SH2B3: variants seen among roughly 807,000 people sequenced by gnomAD.
SH2B3 encodes SH2B adapter protein 3.
A neutral mutation model predicts 51.9 loss-of-function variants in SH2B3; 43 were observed. That is an observed-to-expected ratio of 0.83 (90% CI 0.65 to 1.07). The LOEUF is 1.07. Ranked by LOEUF, SH2B3 falls within the 50% of genes least tolerant of loss-of-function variation. The pLI, the probability that SH2B3 is intolerant of heterozygous loss-of-function variation, is 0.00. For missense variants in SH2B3, 952 were observed against 834.3 expected (o/e 1.14, Z -1.74); for synonymous variants, 396 against 376.0 (o/e 1.05, Z -0.62).
rs1242525317 is a variant in SH2B3, at chr12:111,418,255, C to T, written c.110C>T (p.Ala37Val). ...TTCTGTGAGTTGCACGCCGTAGCGG[C>T]GGCCCGGGAGCTGGCCCGCCAGTAC... ...SEFCELHAVA[A>V]ARELARQYWL... is the part of the protein sequence containing the mutation. Residue 37 changes from alanine (A) to valine (V), a missense_variant, in exon 2 of 8, where the codon GCG (alanine) becomes GTG (valine). Coordinates refer to ENST00000341259, the MANE Select transcript of SH2B3 (RefSeq NM_005475.3). The surrounding 1 kb of genome is among the most constrained non-coding windows in gnomAD (Gnocchi z 6.7). The T allele has an allele frequency of 2.0e-6, 3 of 1,533,894 alleles. No homozygotes were observed. Among genetic ancestry groups the T allele is most frequent in the East Asian group, 2.5e-5 (1 of 40,560 alleles).
chr12:111,414,662 T>C (rs1870947193), intron 1 of SH2B3, among the ~76,000 whole-genome samples: 2 of 152,048 alleles, frequency 1.3e-5, no homozygotes, highest in Admixed American at 1.3e-4. Flanking sequence ...ACTTGTGCTT[T>C]TTGGGGTTTC....
intron 2 of SH2B3, among the ~76,000 whole-genome samples, chr12:111,430,470 C>T (rs1486267160): frequency 6.6e-6 from 1 of 152,148 alleles, no homozygotes; most frequent in South Asian, 2.1e-4. Context: ...GCTTACCAGG[C>T]CTGGCTGCTC....
In SH2B3 at chr12:111,407,630, G is replaced by T. The variant is rs961359202; in HGVS notation, c.-28+1353G>T. 2.0e-5 allele frequency among the ~76,000 whole-genome samples: 3 copies of T among 152,252 alleles called. No individual in the cohort carries two copies. The highest frequency in any genetic ancestry group is 6.5e-5 in the Admixed American group (1 of 15,290). On this transcript the variant is annotated intron_variant, in intron 1 of 7. Coordinates refer to ENST00000341259, the MANE Select transcript of SH2B3 (RefSeq NM_005475.3). The surrounding 1 kb of genome is among the most constrained non-coding windows in gnomAD (Gnocchi z 4.3). ...AGGGCCTACTGGGGGAAGTTGGAAG[G>T]GTTTTTAGTGCACTTTTCCTGAGCC...
intron 2 of SH2B3, among the ~76,000 whole-genome samples, chr12:111,442,683 T>C (rs1873540887): frequency 6.6e-6 from 1 of 152,192 alleles, no homozygotes; most frequent in South Asian, 2.1e-4. Flanking sequence ...TGTTAAGAGC[T>C]TCCCCACCTT....
rs1206077682 is a variant in SH2B3, at chr12:111,451,007, T to G, written c.*2705T>G. ...TCATGATCCCTCCAGTTAGCTCTAATTACAGACCCCACCAGTACAGCTTGA... is the reference window on the plus strand; with the variant it reads ...TCATGATCCCTCCAGTTAGCTCTAAGTACAGACCCCACCAGTACAGCTTGA... On this transcript the variant is annotated 3_prime_UTR_variant, in exon 8 of 8. Transcript: ENST00000341259. The G allele has an allele frequency of 6.6e-6, 1 of 152,666 alleles. No homozygotes were observed. The highest frequency in any genetic ancestry group is 1.9e-4 in the East Asian group (1 of 5,198). The allele number at this position is 152,666 out of a possible 1,614,324, so 9.5% of individuals were successfully genotyped here.
At chr12:111,434,998 C>T (rs1872743386) in intron 2 of SH2B3, 1 of 1,535,550 alleles carries the variant, frequency 6.5e-7, no homozygotes, top group Non-Finnish European at 8.7e-7. Flanking sequence ...CTTGCTCTCA[C>T]CTCTTCTTCT....
At chr12:111,411,466 C>T (rs114598006) in intron 1 of SH2B3, among the ~76,000 whole-genome samples, 1,723 of 152,258 alleles carry the variant, frequency 0.011, 43 homozygotes, top group African/African-American at 0.038. Context: ...TTCAGCCTCC[C>T]GAATTATACT....
chr12:111,442,333 G>T (rs971443466), intron 2 of SH2B3, among the ~76,000 whole-genome samples: 1 of 152,206 alleles, frequency 6.6e-6, no homozygotes, highest in African/African-American at 2.4e-5. Context: ...TCAAAGGTAA[G>T]TAAGTGGTAG....
intron 1 of SH2B3, among the ~76,000 whole-genome samples, chr12:111,414,606 A>AT (rs1870941798): frequency 6.6e-6 from 1 of 150,608 alleles, no homozygotes; most frequent in Non-Finnish European, 1.5e-5. Context: ...AAAAAAAAAC[A>AT]TTGTCGACTC....
At chr12:111,422,772 G>A (rs1321860763) in intron 2 of SH2B3, among the ~76,000 whole-genome samples, 3 of 152,150 alleles carry the variant, frequency 2.0e-5, no homozygotes, top group Non-Finnish European at 4.4e-5. Flanking sequence ...ATGTTGGCCA[G>A]GCTGGTCTTG....
Position 111,409,514 on chromosome 12 carries a change from T to C in SH2B3, c.-28+3237T>C, listed in dbSNP as rs1174472741. 1.3e-5 allele frequency among the ~76,000 whole-genome samples: 2 copies of C among 152,122 alleles called. No individual in the cohort carries two copies. The highest frequency in any genetic ancestry group is 6.6e-5 in the Admixed American group (1 of 15,260). On this transcript the variant is annotated intron_variant, in intron 1 of 7. Coordinates refer to ENST00000341259, the MANE Select transcript of SH2B3 (RefSeq NM_005475.3). This position sits in a 1 kb window ranked among gnomAD's most constrained non-coding sequence, Gnocchi z 4.0. ...ACGCCTGCCTCGGCGAGTCCAGAGGTGCAGTGCTAGCTGCTCATTCCCTGC... is the reference window on the plus strand; with the variant it reads ...ACGCCTGCCTCGGCGAGTCCAGAGGCGCAGTGCTAGCTGCTCATTCCCTGC...
intron 2 of SH2B3, among the ~76,000 whole-genome samples, chr12:111,441,604 G>GA (rs1873413471): frequency 6.6e-6 from 1 of 152,260 alleles, no homozygotes; most frequent in Admixed American, 6.5e-5. Context: ...CACGTTTAAG[G>GA]AGAGTTTGCG....
chr12:111,446,894 T>C, intron 3 of SH2B3, 40 bp downstream of exon 3: 2 of 1,602,104 alleles, frequency 1.2e-6, no homozygotes, highest in African/African-American at 1.3e-5. Flanking sequence ...GCAATACAAA[T>C]ACATACACAT....
Position 111,418,821 on chromosome 12 carries a change from CG to C in SH2B3, c.679del (p.Ala227ProfsTer51). 7.0e-7 allele frequency: 1 copy of C among 1,423,922 alleles called. No individual in the cohort carries two copies. The highest frequency in any genetic ancestry group is 9.1e-7 in the Non-Finnish European group (1 of 1,102,742). 88.2% of individuals were successfully genotyped at this position (1,423,922 alleles called of 1,614,324 possible). On this transcript the variant is annotated frameshift_variant, in exon 2 of 8. Coordinates refer to ENST00000341259, the MANE Select transcript of SH2B3 (RefSeq NM_005475.3). LOFTEE classifies it high-confidence loss of function. This position sits in a 1 kb window ranked among gnomAD's most constrained non-coding sequence, Gnocchi z 6.7. ...GCAGCGCGGGAGGCTGGCGCTGCGC[CG>C]GGCCCCGGGCCCCGATGGCCCCGAC... ...RWQRGRLALRRAPGPDGPDRV... is the reference protein window; with the variant it reads ...RWQRGRLALRXAPGPDGPDRV...
intron 2 of SH2B3, among the ~76,000 whole-genome samples, chr12:111,424,610 G>A (rs1871843198): frequency 1.3e-5 from 2 of 152,126 alleles, no homozygotes; most frequent in Admixed American, 6.5e-5. Flanking sequence ...CACAGGCTTG[G>A]TGGTTGCTGC....
intron 2 of SH2B3, among the ~76,000 whole-genome samples, chr12:111,443,126 G>C (rs529540665): frequency 5.7e-4 from 87 of 152,374 alleles, no homozygotes; most frequent in African/African-American, 2.0e-3. Context: ...GTGAGGCCTA[G>C]AGAGGAAGGG....
At position 111,418,504 on chromosome 12, in the gene SH2B3, G is replaced by A; in HGVS notation, c.359G>A (p.Ser120Asn). 1.4e-6 allele frequency: 2 copies of A among 1,381,580 alleles called. No homozygotes were observed. The highest frequency in any genetic ancestry group is 1.9e-6 in the Non-Finnish European group (2 of 1,069,968). The allele number at this position is 1,381,580 out of a possible 1,614,324, so 85.6% of individuals were successfully genotyped here. The part of the protein sequence containing the change: ...PAAPGLPKAR[S>N]SEELAPPRPP... Reference sequence around the variant, plus strand: ...GCCCCTGGCCTGCCCAAGGCCCGCAGCTCTGAGGAGCTGGCCCCGCCGCGG... The same window carrying A: ...GCCCCTGGCCTGCCCAAGGCCCGCAACTCTGAGGAGCTGGCCCCGCCGCGG... Residue 120 changes from serine to asparagine, a missense_variant, in exon 2 of 8, where the codon AGC becomes AAC. Physicochemically the swap from Ser to Asn is conservative, Grantham distance 46. Transcript: ENST00000341259. This position sits in a 1 kb window ranked among gnomAD's most constrained non-coding sequence, Gnocchi z 6.7.
chr12:111,422,259 T>A (rs1485518263), intron 2 of SH2B3, among the ~76,000 whole-genome samples: 1 of 152,058 alleles, frequency 6.6e-6, no homozygotes, highest in Non-Finnish European at 1.5e-5. Context: ...TTTTGTATTT[T>A]TAGTAGAAAT....
rs539556746 is a variant in SH2B3 at position 111,420,444 on chromosome 12, G to A, written c.732+1567G>A. The stretch of plus-strand genomic sequence containing the variant: ...TCCTACTGTGCTGTTGAGGCTGAAA[G>A]GTCACTGTGTTCTACTCACCTGCCA... On this transcript the variant is annotated intron_variant, in intron 2 of 7. Coordinates refer to ENST00000341259, the MANE Select transcript of SH2B3 (RefSeq NM_005475.3). 7.3e-5 allele frequency among the ~76,000 whole-genome samples: 11 copies of A among 151,152 alleles called. No individual in the cohort carries two copies. The South Asian group carries it at 2.1e-3, about 29-fold the overall frequency.
Sources: gnomAD v4.1 joint callset for allele counts (sites outside exome capture counted in the v4.1 genomes callset) on GRCh38, gnomAD v4.1.1 for gene constraint, Gnocchi (gnomAD v3.1) non-coding constraint, MANE v1.5 for transcripts, NCBI Gene and HGNC (gene_info 2026-07-23, HGNC 2026-07-21) for gene names.